Variants in SZT2 observed in about 807,000 individuals in gnomAD.
SZT2 encodes SZT2 subunit of KICSTOR complex.
In SZT2, 216 loss-of-function variants were observed where a neutral mutation model predicts 404.2. That is an observed-to-expected ratio of 0.53 (90% CI 0.48 to 0.60). The LOEUF is 0.60. Among genes scored for constraint, SZT2 ranks in the 20% least tolerant of loss-of-function variants. The pLI, the probability that SZT2 is intolerant of heterozygous loss-of-function variation, is 0.00. For synonymous variants in SZT2, 1,693 were observed against 1,749.9 expected (o/e 0.97, Z 0.81); for missense variants, 3,857 against 4,459.2 (o/e 0.86, Z 3.85).
Position 43,426,553 on chromosome 1 carries a change from T to A in SZT2, c.3214+15T>A. On this transcript the variant is annotated intron_variant, in intron 22 of 71. Transcript: ENST00000634258. The surrounding 1 kb of genome is among the most constrained non-coding windows in gnomAD (Gnocchi z 4.9). Reference sequence around the variant, plus strand: ...CCACGTTCCAGGTGAGTTCCCCACATCCTCCTGACACCAGACCCTGGCCCA... The same window carrying A: ...CCACGTTCCAGGTGAGTTCCCCACAACCTCCTGACACCAGACCCTGGCCCA... The A allele has an allele frequency of 6.5e-7, 1 of 1,549,486 alleles. No individual in the cohort carries two copies. Among genetic ancestry groups the A allele is most frequent in the African/African-American group, 1.4e-5 (1 of 73,730 alleles).
intron 1 of SZT2, among the ~76,000 whole-genome samples, chr1:43,397,411 G>C (rs1342351951): frequency 1.3e-5 from 2 of 150,366 alleles, no homozygotes; most frequent in Non-Finnish European, 3.0e-5. Context: ...GGGTGACAGA[G>C]CGAGACTCCA....
At chr1:43,432,152 A>G (rs1653972033) in intron 36 of SZT2, 120 bp from the exon 37 acceptor site, 2 of 1,170,726 alleles carry the variant, frequency 1.7e-6, no homozygotes, top group Non-Finnish European at 1.2e-6. Context: ...TTACCTCAGC[A>G]GTGGGGATGC....
Position 43,453,437 on chromosome 1 carries a change from C to T in SZT2, c.*2957C>T, listed in dbSNP as rs1451796018. 1.9e-6 allele frequency: 3 copies of T among 1,563,246 alleles called. No homozygotes were observed. Among genetic ancestry groups the T allele is most frequent in the African/African-American group, 1.4e-5 (1 of 73,372 alleles). ...CCGCACGGCCTGCTCCAGTCCCTCT[C>T]GGAAGGCCGCCTGTCTCCCGGGGAC... On this transcript the variant is annotated 3_prime_UTR_variant, in exon 72 of 72. Coordinates refer to ENST00000634258, the MANE Select transcript of SZT2 (RefSeq NM_001365999.1).
rs1652487162 is a variant in SZT2, at chr1:43,422,469, CCT to C, written c.1770-8_1770-7del. On this transcript the variant is annotated splice_polypyrimidine_tract_variant and intron_variant, in intron 12 of 71. Transcript: ENST00000634258. ...TGGAGGTCTAACCTCAGTCCACACC[CCT>C]CTTCCTAGACCAATCCCCAAGCACT... The C allele has an allele frequency of 6.4e-7, 1 of 1,571,476 alleles. No homozygotes were observed.
chr1:43,434,405 G>A lies in SZT2; in HGVS notation c.5824G>A (p.Gly1942Arg). ...TCCCAGGAGCCTGATTCGGGAGGAT[G>A]GGGGGCCGGGCACTGAGTGTCGCCA... Reference protein sequence around the residue: ...AHARSLIREDGGPGTECRHLQ... With the variant: ...AHARSLIREDRGPGTECRHLQ... Residue 1942 changes from glycine (G) to arginine (R), a missense_variant, in exon 41 of 72, where the codon GGG (glycine) becomes AGG (arginine). Physicochemically the swap from Gly to Arg is moderately radical, Grantham distance 125. Transcript: ENST00000634258. The A allele has an allele frequency of 3.1e-6, 5 of 1,595,780 alleles. No homozygotes were observed. Among genetic ancestry groups the A allele is most frequent in the Non-Finnish European group, 3.4e-6 (4 of 1,172,746 alleles).
intron 7 of SZT2, among the ~76,000 whole-genome samples, chr1:43,416,877 A>T (rs1651779603): frequency 1.3e-5 from 2 of 152,176 alleles, no homozygotes; most frequent in Non-Finnish European, 2.9e-5. Flanking sequence ...CAGAATTTGA[A>T]ATCTGACAGT....
intron 15 of SZT2, among the ~76,000 whole-genome samples, chr1:43,423,935 G>T (rs1004791627): frequency 6.6e-6 from 1 of 150,748 alleles, no homozygotes; most frequent in Non-Finnish European, 1.5e-5. Context: ...GGTATCAGTG[G>T]TACAGAGATG....
chr1:43,428,093 G>A lies in SZT2; in HGVS notation c.3894G>A (p.Glu1298=). ...EAANHCALLQ[E]HAQRCYVRGL... The stretch of plus-strand genomic sequence containing the variant: ...CTAACCACTGTGCCCTGCTGCAGGA[G>A]CATGCACAGCGGTGCTATGTCCGTG... Residue 1298 remains glutamate (E), a synonymous_variant, in exon 27 of 72, where the codon GAG becomes GAA. Coordinates refer to ENST00000634258, the MANE Select transcript of SZT2 (RefSeq NM_001365999.1). The A allele has an allele frequency of 6.2e-7, 1 of 1,614,178 alleles. No homozygotes were observed. Among genetic ancestry groups the A allele is most frequent in the African/African-American group, 1.3e-5 (1 of 75,056 alleles).
At position 43,450,341 on chromosome 1, in the gene SZT2, T is replaced by C. The variant is rs1351842923; in HGVS notation, c.10160T>C (p.Leu3387Pro). The C allele has an allele frequency of 6.2e-7, 1 of 1,614,030 alleles. No individual in the cohort carries two copies. Among genetic ancestry groups the C allele is most frequent in the South Asian group, 1.1e-5 (1 of 91,066 alleles). Residue 3387 changes from leucine (L) to proline (P), a missense_variant, in exon 72 of 72, where the codon CTG (leucine) becomes CCG (proline). Coordinates refer to ENST00000634258, the MANE Select transcript of SZT2 (RefSeq NM_001365999.1). This position sits in a 1 kb window ranked among gnomAD's most constrained non-coding sequence, Gnocchi z 4.3. ...TCCCCACCGTGTTCCCCACAGTCTCTGACAGTGGTTTTCCGAGAGCCCTTC... is the reference window on the plus strand; with the variant it reads ...TCCCCACCGTGTTCCCCACAGTCTCCGACAGTGGTTTTCCGAGAGCCCTTC... ...FLDSHLGKTS[L>P]TVVFREPFPV...
rs116536134 is a variant in SZT2 at position 43,445,978 on chromosome 1, C to T, written c.8910C>T (p.Ser2970=). ...GCCCTAAAACCAAGACTGATGGGAG[C>T]CCCAAGGTAACTTGTCATATAATGG... ...FSCPKTKTDG[S]PKSTSSPVTT... is the part of the protein sequence containing the mutation. The change falls in exon 63 of 72, where the codon AGC becomes AGT. Residue 2970 remains serine (S), a synonymous_variant. Transcript: ENST00000634258. The T allele has an allele frequency of 7.5e-4, 1,208 of 1,613,902 alleles. 3 individuals are homozygous for T. In the African/African-American group the frequency reaches 0.015, roughly 20 times the overall value.
Position 43,441,599 on chromosome 1 carries a change from T to C in SZT2, c.7607T>C (p.Ile2536Thr), listed in dbSNP as rs1655066527. 5.0e-6 allele frequency: 8 copies of C among 1,613,978 alleles called. No individual in the cohort carries two copies. The highest frequency in any genetic ancestry group is 4.0e-5 in the African/African-American group (3 of 74,904). Residue 2536 changes from isoleucine to threonine, a missense_variant and splice_region_variant, in exon 54 of 72, where the codon ATT becomes ACT. Physicochemically the swap from Ile to Thr is moderately conservative, Grantham distance 89. Coordinates refer to ENST00000634258, the MANE Select transcript of SZT2 (RefSeq NM_001365999.1). This position sits in a 1 kb window ranked among gnomAD's most constrained non-coding sequence, Gnocchi z 4.8. ...CGCTGGATGGAGTTTATGGTTCAGA[T>C]TGGTGAGACCCCAGCCTCCCCTCCC... ...AQRWMEFMVQ[I>T]GCASVSRSSA...
chr1:43,430,763 C>G lies in SZT2; in HGVS notation c.4748C>G (p.Pro1583Arg). The part of the protein sequence containing the change: ...VRLRGQHSSV[P>R]VCSLPTCLGQ... ...CTACGTGGGCAGCACAGCTCAGTAC[C>G]TGTGTGCAGCCTGCCTACCTGCCTG... The change falls in exon 32 of 72, where the codon CCT becomes CGT. Residue 1583 changes from proline to arginine, a missense_variant. Pro to Arg is a moderately radical substitution (Grantham distance 103). Coordinates refer to ENST00000634258, the MANE Select transcript of SZT2 (RefSeq NM_001365999.1). 6.2e-7 allele frequency: 1 copy of G among 1,611,036 alleles called. No individual in the cohort carries two copies. Among genetic ancestry groups the G allele is most frequent in the East Asian group, 2.2e-5 (1 of 44,854 alleles).
In SZT2 at chr1:43,447,931, C is replaced by T. The variant is rs772312797; in HGVS notation, c.9523C>T (p.Pro3175Ser). 13 of 1,613,944 alleles carry T rather than the reference C, an allele frequency of 8.1e-6. No individual in the cohort carries two copies. The South Asian group carries it at 1.1e-4, about 14-fold the overall frequency. ...VSLLVCHCAAPFEEQGEAERH... is the reference protein window; with the variant it reads ...VSLLVCHCAASFEEQGEAERH... ...TCTGCTTGTCTGTCACTGTGCTGCACCCTTTGAGGAGCAAGGAGAGGCTGA... is the reference window on the plus strand; with the variant it reads ...TCTGCTTGTCTGTCACTGTGCTGCATCCTTTGAGGAGCAAGGAGAGGCTGA... Residue 3175 changes from proline to serine, a missense_variant, in exon 68 of 72, where the codon CCC (proline) becomes TCC (serine). By Grantham distance (74) the Pro-to-Ser change is moderately conservative. This residue lies in a region of SZT2 where 717 missense variants were observed against 868.2 expected (regional missense o/e 0.83). Coordinates refer to ENST00000634258, the MANE Select transcript of SZT2 (RefSeq NM_001365999.1).
chr1:43,450,025 C>G lies in SZT2; in HGVS notation c.10087-78C>G, dbSNP rs1447741784. 1 of 1,566,872 alleles carries G rather than the reference C, an allele frequency of 6.4e-7. No individual in the cohort carries two copies. The highest frequency in any genetic ancestry group is 1.1e-5 in the South Asian group (1 of 90,018). ...GGTGTGGAGATGGAAGTAGGCCTCT[C>G]CTCATCCTCCCTTCACCTCAGGATG... is the stretch of plus-strand genomic sequence containing the variant. On this transcript the variant is annotated intron_variant, in intron 70 of 71. Coordinates refer to ENST00000634258, the MANE Select transcript of SZT2 (RefSeq NM_001365999.1). This position sits in a 1 kb window ranked among gnomAD's most constrained non-coding sequence, Gnocchi z 4.3.
Position 43,411,372 on chromosome 1 carries a change from G to C in SZT2, c.499-3710G>C, listed in dbSNP as rs537075025. On this transcript the variant is annotated intron_variant, in intron 4 of 71. Transcript: ENST00000634258. The stretch of plus-strand genomic sequence containing the variant: ...AGCCTGACCCAGGGGGCCCAGTTAG[G>C]ATGCCCTCTACCCATGGCAGGGGTG... Among the ~76,000 whole-genome samples the C allele has an allele frequency of 7.9e-5, 12 of 152,306 alleles. No homozygotes were observed. In the South Asian group the frequency reaches 2.5e-3, roughly 32 times the overall value.
At chr1:43,401,817 T>C (rs996532804) in intron 1 of SZT2, among the ~76,000 whole-genome samples, 3 of 152,166 alleles carry the variant, frequency 2.0e-5, no homozygotes, top group Non-Finnish European at 4.4e-5. Context: ...TACTTTTGCA[T>C]ATATCTTAGA....
rs1250641334 is a variant in SZT2, at chr1:43,430,629, T to C, written c.4614T>C (p.Asn1538=). 6.2e-7 allele frequency: 1 copy of C among 1,614,092 alleles called. No individual in the cohort carries two copies. The highest frequency in any genetic ancestry group is 8.5e-7 in the Non-Finnish European group (1 of 1,180,010). Residue 1538 remains asparagine (N), a synonymous_variant, in exon 32 of 72, where the codon AAT becomes AAC. Coordinates refer to ENST00000634258, the MANE Select transcript of SZT2 (RefSeq NM_001365999.1). ...CGCTGTCAGACGTAGACACTGTGAA[T>C]CCTGATGAAGACTCCTTCAGTATCT... The part of the protein sequence containing the change: ...SASLSDVDTV[N]PDEDSFSILG...
At chr1:43,415,745 C>G (rs1040464004) in intron 5 of SZT2, among the ~76,000 whole-genome samples, 10 of 152,236 alleles carry the variant, frequency 6.6e-5, no homozygotes, top group African/African-American at 2.2e-4. Context: ...GAAGCTTCAT[C>G]TGATGCCGAA....
At chr1:43,406,827 A>G (rs1650373480) in intron 4 of SZT2, 2 of 152,284 alleles carry the variant, frequency 1.3e-5, no homozygotes, top group Non-Finnish European at 2.9e-5. Flanking sequence ...CAAAGGGGAT[A>G]TTAACATTGC....
Sources: gnomAD v4.1 joint callset for allele counts (sites outside exome capture counted in the v4.1 genomes callset) on GRCh38, gnomAD v4.1.1 for gene constraint, gnomAD v4.1.1 regional missense constraint, Gnocchi (gnomAD v3.1) non-coding constraint, MANE v1.5 for transcripts, NCBI Gene and HGNC (gene_info 2026-07-23, HGNC 2026-07-21) for gene names.